The following RERG variants were observed in gnomAD, a reference collection of about 807,000 sequenced individuals.
RERG encodes ras-related and estrogen-regulated growth inhibitor.
In RERG, 25 loss-of-function variants were observed where a neutral mutation model predicts 23.2. The ratio of observed to expected loss-of-function variants is 1.08; its 90% CI spans 0.79 to 1.50. The LOEUF (loss-of-function observed/expected upper bound fraction) is 1.50. RERG is among the 40% of genes most tolerant of loss of function. The pLI is 0.00. For synonymous variants in RERG, 81 were observed against 89.1 expected, an observed-to-expected ratio of 0.91 and a Z score of 0.51; for missense variants, 253 against 250.1, an observed-to-expected ratio of 1.01 and a Z score of -0.08.
intron 2 of RERG, among the ~76,000 whole-genome samples, chr12:15,211,960 G>A (rs1865371481): frequency 1.3e-5 from 2 of 151,376 alleles, no homozygotes; most frequent in South Asian, 2.1e-4. Context: ...CATTCACGTG[G>A]TATGCACAGC....
intron 2 of RERG, among the ~76,000 whole-genome samples, chr12:15,171,230 G>A (rs1864773883): frequency 6.6e-6 from 1 of 152,164 alleles, no homozygotes; most frequent in Non-Finnish European, 1.5e-5. Context: ...AGTATGAGTT[G>A]ATTAATAGCG....
Position 15,179,368 on chromosome 12 carries a change from G to A in RERG, c.61+38061C>T, listed in dbSNP as rs568817209. ...GTTTGGAGAAAGTCTGAAACCCAGG[G>A]CTCTGCACTGCTTGTCTCTTTCTAA... is the stretch of plus-strand genomic sequence containing the variant. On this transcript the variant is annotated intron_variant, in intron 2 of 4. Coordinates refer to ENST00000256953, the MANE Select transcript of RERG (RefSeq NM_032918.3). 2.6e-5 allele frequency among the ~76,000 whole-genome samples: 4 copies of A among 152,264 alleles called. No individual in the cohort carries two copies. In the East Asian group the frequency reaches 5.8e-4, roughly 22 times the overall value.
At chr12:15,148,731 G>A (rs1317674591) in intron 2 of RERG, among the ~76,000 whole-genome samples, 1 of 151,102 alleles carries the variant, frequency 6.6e-6, no homozygotes, top group African/African-American at 2.4e-5. Flanking sequence ...TTAAATACTC[G>A]TATATTCCAG....
chr12:15,122,806 T>C (rs1264114220), intron 2 of RERG, among the ~76,000 whole-genome samples: 3 of 150,994 alleles, frequency 2.0e-5, no homozygotes, highest in South Asian at 2.1e-4. Flanking sequence ...TTTTGTTTTT[T>C]GTTTTCGTTT....
chr12:15,213,993 AGTATGT>A (rs942473894), intron 2 of RERG, among the ~76,000 whole-genome samples: 15 of 89,416 alleles, frequency 1.7e-4, no homozygotes, highest in South Asian at 1.5e-3. Flanking sequence ...AAACAGAGAA[AGTATGT>A]GTGTGTGTGT....
intron 2 of RERG, among the ~76,000 whole-genome samples, chr12:15,173,064 G>A (rs1376958700): frequency 6.6e-6 from 1 of 151,904 alleles, no homozygotes; most frequent in African/African-American, 2.4e-5. Flanking sequence ...CTAACCCAAA[G>A]TCACAAACAC....
chr12:15,111,124 A>G (rs1863605414), intron 4 of RERG: 1 of 413,564 alleles, frequency 2.4e-6, no homozygotes, highest in Non-Finnish European at 4.3e-6. Flanking sequence ...TGAATATTAT[A>G]GTATTTTCAA....
intron 2 of RERG, among the ~76,000 whole-genome samples, chr12:15,194,222 G>A (rs546341465): frequency 2.0e-5 from 3 of 152,192 alleles, no homozygotes; most frequent in South Asian, 2.1e-4. Context: ...TTCAGGCTGC[G>A]CTCTAAATAA....
chr12:15,191,100 C>G (rs1327946769), intron 2 of RERG, among the ~76,000 whole-genome samples: 2 of 152,042 alleles, frequency 1.3e-5, no homozygotes, highest in Non-Finnish European at 2.9e-5. Flanking sequence ...AAGACAGTTA[C>G]GGATTCTACC....
At chr12:15,210,752 G>A (rs1865356018) in intron 2 of RERG, among the ~76,000 whole-genome samples, 1 of 152,204 alleles carries the variant, frequency 6.6e-6, no homozygotes, top group African/African-American at 2.4e-5. Context: ...TGGTCTTGGG[G>A]TAGAAAAAAC....
intron 2 of RERG, among the ~76,000 whole-genome samples, chr12:15,201,979 T>C (rs1185284241): frequency 6.6e-6 from 1 of 151,782 alleles, no homozygotes. Context: ...TGTAAGGTAT[T>C]AAAAGGACCT....
chr12:15,181,912 T>C (rs888580467), intron 2 of RERG, among the ~76,000 whole-genome samples: 4 of 152,158 alleles, frequency 2.6e-5, no homozygotes, highest in African/African-American at 7.2e-5. Flanking sequence ...TCTGGGAGAA[T>C]GTCATTACAA....
At chr12:15,187,816 C>T (rs529476059) in intron 2 of RERG, among the ~76,000 whole-genome samples, 5 of 152,088 alleles carry the variant, frequency 3.3e-5, no homozygotes, top group African/African-American at 1.2e-4. Flanking sequence ...GCCTCGGCCT[C>T]CCAAAGTGCT....
intron 2 of RERG, among the ~76,000 whole-genome samples, chr12:15,159,666 A>G (rs1864575235): frequency 6.6e-6 from 1 of 152,140 alleles, no homozygotes; most frequent in Non-Finnish European, 1.5e-5. Context: ...TACTAAAAAT[A>G]CCAAAAACTT....
intron 2 of RERG, among the ~76,000 whole-genome samples, chr12:15,186,341 G>A (rs1304764303): frequency 6.6e-6 from 1 of 151,876 alleles, no homozygotes; most frequent in African/African-American, 2.4e-5. Flanking sequence ...CTGGATGTTT[G>A]CTGGGCCATG....
intron 2 of RERG, among the ~76,000 whole-genome samples, chr12:15,213,910 C>T (rs1007453404): frequency 2.0e-5 from 3 of 151,570 alleles, no homozygotes; most frequent in African/African-American, 7.3e-5. Context: ...ATAAGCCATA[C>T]GAAGTATTGT....
intron 3 of RERG, among the ~76,000 whole-genome samples, chr12:15,114,259 A>G (rs1423290361): frequency 6.6e-6 from 1 of 152,066 alleles, no homozygotes; most frequent in Admixed American, 6.5e-5. Context: ...TAAAAAATAA[A>G]AGGGTTGACT....
chr12:15,135,980 T>G (rs11833892), intron 2 of RERG, among the ~76,000 whole-genome samples: 2,547 of 152,180 alleles, frequency 0.017, 64 homozygotes, highest in African/African-American at 0.058. Flanking sequence ...AGTTCTAAGA[T>G]TTTTTGCTTA....
At chr12:15,139,819 G>T (rs10846149) in intron 2 of RERG, among the ~76,000 whole-genome samples, 64,726 of 151,762 alleles carry the variant, frequency 0.43, 13,857 homozygotes, top group Middle Eastern at 0.46. Context: ...TTTCCTGTCT[G>T]ATTACACTAG....
Sources: gnomAD v4.1 joint callset for allele counts (sites outside exome capture counted in the v4.1 genomes callset) on GRCh38, gnomAD v4.1.1 for gene constraint, MANE v1.5 for transcripts, NCBI Gene and HGNC (gene_info 2026-07-23, HGNC 2026-07-21) for gene names.